Variants in KCNQ4 observed in about 807,000 individuals in gnomAD.
KCNQ4 encodes the protein potassium voltage-gated channel subfamily Q member 4.
Under a neutral mutation model 72.6 loss-of-function variants are expected in KCNQ4, and 31 were observed. The observed-to-expected ratio is 0.43, with a 90% CI of 0.32 to 0.58. The LOEUF is 0.58. KCNQ4 is among the 20% of genes least tolerant of loss of function. The pLI, the probability that KCNQ4 is intolerant of heterozygous loss-of-function variation, is 0.08. For missense variants in KCNQ4, 869 were observed against 962.6 expected, an observed-to-expected ratio of 0.90 and a Z score of 1.29; for synonymous variants, 405 against 403.7, an observed-to-expected ratio of 1.00 and a Z score of -0.04.
chr1:40,837,680 G>T lies in KCNQ4; in HGVS notation c.1761G>T (p.Val587=), dbSNP rs150343282. 2 of 1,613,398 alleles carry T rather than the reference G, an allele frequency of 1.2e-6. No individual in the cohort carries two copies. Among genetic ancestry groups the T allele is most frequent in the Non-Finnish European group, 1.7e-6 (2 of 1,179,822 alleles). The change falls in exon 13 of 14, where the codon GTG becomes GTT. Residue 587 remains valine (V), a synonymous_variant. Transcript: ENST00000347132. ...TTACCCTTAGGGTGGACCAAATTGT[G>T]GGTCGGGGGCCCGGGGACAGGAAGG... is the stretch of plus-strand genomic sequence containing the variant. ...KSLQTRVDQI[V]GRGPGDRKAR...
chr1:40,822,205 C>G, intron 7 of KCNQ4, 109 bp from the exon 8 acceptor site: 1 of 927,860 alleles, frequency 1.1e-6, no homozygotes. Context: ...GCCTCTGGCT[C>G]TGGGTAACCC....
At chr1:40,806,293 C>T (rs1023935799) in intron 1 of KCNQ4, among the ~76,000 whole-genome samples, 1 of 152,226 alleles carries the variant, frequency 6.6e-6, no homozygotes, top group Admixed American at 6.5e-5. Flanking sequence ...CATGTTTCCC[C>T]TTCCTTTCAA....
intron 9 of KCNQ4, among the ~76,000 whole-genome samples, chr1:40,829,508 C>T (rs932225834): frequency 6.6e-6 from 1 of 152,180 alleles, no homozygotes; most frequent in African/African-American, 2.4e-5. Context: ...TCCTGGCCAC[C>T]TTCCTGAAGG....
chr1:40,824,558 C>T (rs1161167744), intron 9 of KCNQ4, among the ~76,000 whole-genome samples: 2 of 152,156 alleles, frequency 1.3e-5, no homozygotes, highest in African/African-American at 2.4e-5. Context: ...TCTCTGTTCC[C>T]ACGTCCCCCT....
intron 11 of KCNQ4, among the ~76,000 whole-genome samples, chr1:40,833,546 C>T (rs1342694831): frequency 6.6e-6 from 1 of 152,178 alleles, no homozygotes; most frequent in Admixed American, 6.5e-5. Context: ...TGGATCTGGC[C>T]TCCAAGCTCC....
chr1:40,834,596 T>TAAA lies in KCNQ4; in HGVS notation c.1614-359_1614-357dup, dbSNP rs113990313. On this transcript the variant is annotated intron_variant, in intron 11 of 13. Coordinates refer to ENST00000347132, the MANE Select transcript of KCNQ4 (RefSeq NM_004700.4). The stretch of plus-strand genomic sequence containing the variant: ...CCCCATCTCTTTAAAAAATAAAAAT[T>TAAA]AAAAAAAAAAAAAACAGAGTTATTG... Among the ~76,000 whole-genome samples, 3 of 136,784 alleles carry TAAA rather than the reference T, an allele frequency of 2.2e-5. No individual in the cohort carries two copies. The South Asian group carries it at 7.0e-4, about 32-fold the overall frequency. 89.7% of individuals were successfully genotyped at this position (136,784 alleles called of 152,430 possible).
intron 1 of KCNQ4, among the ~76,000 whole-genome samples, chr1:40,812,592 C>G (rs1411658877): frequency 6.6e-6 from 1 of 152,170 alleles, no homozygotes; most frequent in Non-Finnish European, 1.5e-5. Context: ...CCAAGTATAT[C>G]CCTTCAAATG....
At chr1:40,822,173 A>G (rs1433955790) in intron 7 of KCNQ4, 141 bp from the exon 8 acceptor site, 1 of 710,392 alleles carries the variant, frequency 1.4e-6, no homozygotes, top group Non-Finnish European at 2.5e-6. Context: ...TGCCCCTGTC[A>G]GTGGCTGTGG....
chr1:40,792,997 T>G (rs1470956856), intron 1 of KCNQ4, among the ~76,000 whole-genome samples: 2 of 124,924 alleles, frequency 1.6e-5, no homozygotes, highest in Non-Finnish European at 3.3e-5. Context: ...TTTTCTTTTC[T>G]TTCTTTCTTT....
At chr1:40,819,233 C>T (rs2148319198) in intron 4 of KCNQ4, 114 bp from the exon 5 acceptor site, 1 of 1,310,670 alleles carries the variant, frequency 7.6e-7, no homozygotes, top group African/African-American at 1.5e-5. Flanking sequence ...GAAAGAAAAG[C>T]GAGCCTGGGA....
In KCNQ4 at chr1:40,819,890, A is replaced by G. The variant is rs1648232622; in HGVS notation, c.850A>G (p.Ile284Val). 1.2e-6 allele frequency: 2 copies of G among 1,613,882 alleles called. No homozygotes were observed. Among genetic ancestry groups the G allele is most frequent in the East Asian group, 2.2e-5 (1 of 44,872 alleles). The stretch of plus-strand genomic sequence containing the variant: ...GTGTCTCCAGATTACATTGACAACC[A>G]TCGGCTATGGTGACAAGACACCGCA... Reference protein sequence around the residue: ...LWWGTITLTTIGYGDKTPHTW... With the variant: ...LWWGTITLTTVGYGDKTPHTW... Residue 284 changes from isoleucine (I) to valine (V), a missense_variant, in exon 6 of 14, where the codon ATC becomes GTC. Physicochemically the swap from Ile to Val is conservative, Grantham distance 29 (BLOSUM62 3). Around this residue, in one of 5 missense-constraint regions of KCNQ4, gnomAD observed 179 missense variants for 243.0 expected, o/e 0.74. Transcript: ENST00000347132.
At chr1:40,792,720 G>C (rs1038161289) in intron 1 of KCNQ4, among the ~76,000 whole-genome samples, 1 of 152,180 alleles carries the variant, frequency 6.6e-6, no homozygotes, top group East Asian at 1.9e-4. Flanking sequence ...CCCAGCAGAG[G>C]AAGGGAGGTA....
chr1:40,818,388 G>A, intron 3 of KCNQ4, 98 bp downstream of exon 3: 2 of 1,583,048 alleles, frequency 1.3e-6, no homozygotes, highest in Non-Finnish European at 1.7e-6. Context: ...GACCCGCACA[G>A]ATTCAGCGGA....
chr1:40,797,917 G>A (rs926314493), intron 1 of KCNQ4, among the ~76,000 whole-genome samples: 13 of 152,118 alleles, frequency 8.5e-5, no homozygotes, highest in East Asian at 1.9e-4. Context: ...TGCAGGCGCC[G>A]AGGCTGTCTG....
At chr1:40,836,330 C>T (rs143798693) in intron 12 of KCNQ4, among the ~76,000 whole-genome samples, 8 of 152,252 alleles carry the variant, frequency 5.3e-5, no homozygotes, top group African/African-American at 1.9e-4. Context: ...GAGGAAAAAT[C>T]GAGTTGCCAT....
intron 1 of KCNQ4, among the ~76,000 whole-genome samples, chr1:40,814,198 C>A (rs1434608103): frequency 6.6e-6 from 1 of 151,602 alleles, no homozygotes; most frequent in African/African-American, 2.4e-5. Flanking sequence ...GGATTACAGG[C>A]GCCTACCAAC....
chr1:40,799,436 C>G (rs1445867810), intron 1 of KCNQ4, among the ~76,000 whole-genome samples: 3 of 151,830 alleles, frequency 2.0e-5, no homozygotes, highest in Non-Finnish European at 2.9e-5. Context: ...GGCCATGCCC[C>G]CCCCCTCGCT....
chr1:40,820,268 A>G lies in KCNQ4; in HGVS notation c.1041+8A>G. ...GCAGCCAACCTCATCCAGGTACAAGATGCCCGGGAAGAAGCCCTAGGAGCA... is the reference window on the plus strand; with the variant it reads ...GCAGCCAACCTCATCCAGGTACAAGGTGCCCGGGAAGAAGCCCTAGGAGCA... On this transcript the variant is annotated splice_region_variant and intron_variant, in intron 7 of 13. Coordinates refer to ENST00000347132, the MANE Select transcript of KCNQ4 (RefSeq NM_004700.4). 1 of 1,593,082 alleles carries G rather than the reference A, an allele frequency of 6.3e-7. No homozygotes were observed. The highest frequency in any genetic ancestry group is 8.6e-7 in the Non-Finnish European group (1 of 1,169,554).
At chr1:40,790,085 C>T (rs1413491694) in intron 1 of KCNQ4, among the ~76,000 whole-genome samples, 2 of 152,196 alleles carry the variant, frequency 1.3e-5, no homozygotes, top group Non-Finnish European at 2.9e-5. Flanking sequence ...TTTCGTTTCT[C>T]CAGAAGCTGT....
Sources: gnomAD v4.1 joint callset for allele counts (sites outside exome capture counted in the v4.1 genomes callset) on GRCh38, gnomAD v4.1.1 for gene constraint, gnomAD v4.1.1 regional missense constraint, MANE v1.5 for transcripts, NCBI Gene and HGNC (gene_info 2026-07-23, HGNC 2026-07-21) for gene names.